NCAPG2: variants seen among roughly 807,000 people sequenced by gnomAD.
NCAPG2 encodes condensin-2 complex subunit G2.
Under a neutral mutation model 141.1 loss-of-function variants are expected in NCAPG2, and 53 were observed. That is an observed-to-expected ratio of 0.38 (90% CI 0.30 to 0.47). The LOEUF is 0.47. Ranked by LOEUF, NCAPG2 falls within the 20% of genes least tolerant of loss-of-function variation. The pLI is 0.99. For synonymous variants in NCAPG2, 499 were observed against 490.7 expected, an observed-to-expected ratio of 1.02 and a Z score of -0.22; for missense variants, 1,087 against 1,389.0, an observed-to-expected ratio of 0.78 and a Z score of 3.46.
rs115235833 is a variant in NCAPG2, at chr7:158,632,353, C to T, written c.3381-636G>A. Among the ~76,000 whole-genome samples the T allele has an allele frequency of 7.3e-3, 1,114 of 152,288 alleles. 13 individuals are homozygous for T. Among genetic ancestry groups the T allele is most frequent in the African/African-American group, 0.021 (862 of 41,554 alleles). On this transcript the variant is annotated intron_variant, in intron 27 of 27. Coordinates refer to ENST00000356309, the MANE Select transcript of NCAPG2 (RefSeq NM_017760.7). ...TTAAGAATCATTATTAGACAGGTAG[C>T]ATATCACTGTTCCTTCAAATACACA...
intron 13 of NCAPG2, among the ~76,000 whole-genome samples, chr7:158,671,015 T>C (rs1046731463): frequency 4.0e-4 from 60 of 150,128 alleles, no homozygotes; most frequent in African/African-American, 1.4e-3. Context: ...ATCACTTCAG[T>C]AGTTTATAAA....
At chr7:158,654,865 G>A in intron 21 of NCAPG2, 171 bp from the exon 22 acceptor site, 1 of 1,270,146 alleles carries the variant, frequency 7.9e-7, no homozygotes, top group Non-Finnish European at 1.0e-6. Context: ...GTTTTTGTAA[G>A]AAATCTAGAG....
intron 27 of NCAPG2, 48 bp downstream of exon 27, chr7:158,644,241 G>T: frequency 6.8e-7 from 1 of 1,463,352 alleles, no homozygotes; most frequent in Non-Finnish European, 9.6e-7. Flanking sequence ...ATCCAAAGAA[G>T]AATGAGCAGT....
chr7:158,637,986 A>T (rs899170111), intron 27 of NCAPG2, among the ~76,000 whole-genome samples: 1 of 152,132 alleles, frequency 6.6e-6, no homozygotes, highest in African/African-American at 2.4e-5. Context: ...TCTACTAAAA[A>T]TACAAAAATT....
intron 7 of NCAPG2, among the ~76,000 whole-genome samples, 163 bp from the exon 8 acceptor site, chr7:158,686,404 T>A (rs898197661): frequency 1.3e-5 from 2 of 152,212 alleles, no homozygotes; most frequent in African/African-American, 4.8e-5. Context: ...TAGCAAAAAG[T>A]AGAAAACGGA....
intron 19 of NCAPG2, among the ~76,000 whole-genome samples, chr7:158,655,687 C>A (rs908481847): frequency 6.6e-6 from 1 of 152,294 alleles, no homozygotes; most frequent in Non-Finnish European, 1.5e-5. Context: ...TTGCCCTGCA[C>A]GCAGCACCAC....
In NCAPG2 at chr7:158,680,075, G is replaced by C; in HGVS notation, c.1031C>G (p.Ser344Cys). 1.2e-6 allele frequency: 2 copies of C among 1,613,870 alleles called. No homozygotes were observed. Among genetic ancestry groups the C allele is most frequent in the Non-Finnish European group, 1.7e-6 (2 of 1,179,846 alleles). The change falls in exon 11 of 28, where the codon TCT (serine) becomes TGT (cysteine). Residue 344 changes from serine to cysteine, a missense_variant. Physicochemically the swap from Ser to Cys is moderately radical, Grantham distance 112 (BLOSUM62 -1). Coordinates refer to ENST00000356309, the MANE Select transcript of NCAPG2 (RefSeq NM_017760.7). The stretch of plus-strand genomic sequence containing the variant: ...CAATGCAGCATTTGATCGAACTTCA[G>C]AGTTTCTGGCCTATAATAATAAAAG... ...ILWRGLKARN[S>C]EVRSNAALLF...
intron 4 of NCAPG2, among the ~76,000 whole-genome samples, chr7:158,691,384 T>G (rs901288901): frequency 5.9e-5 from 9 of 152,338 alleles, no homozygotes; most frequent in African/African-American, 1.9e-4. Flanking sequence ...AATAAACTGA[T>G]AGTAAAATTC....
At chr7:158,670,163 A>G (rs1833591639) in intron 13 of NCAPG2, among the ~76,000 whole-genome samples, 2 of 152,240 alleles carry the variant, frequency 1.3e-5, no homozygotes, top group African/African-American at 4.8e-5. Flanking sequence ...ATTGGGTGTT[A>G]ATACTACATT....
At chr7:158,687,939 T>G (rs1170788679) in intron 6 of NCAPG2, among the ~76,000 whole-genome samples, 1 of 152,196 alleles carries the variant, frequency 6.6e-6, no homozygotes, top group Non-Finnish European at 1.5e-5. Flanking sequence ...CTTCAAGTCA[T>G]AAATACATCA....
chr7:158,692,247 CA>C (rs1835162638), intron 4 of NCAPG2, among the ~76,000 whole-genome samples: 1 of 152,136 alleles, frequency 6.6e-6, no homozygotes, highest in South Asian at 2.1e-4. Context: ...GTCAGGGCTA[CA>C]GTGAGCTGGG....
At chr7:158,660,397 C>CTTTTTTT (rs1563525366) in intron 16 of NCAPG2, among the ~76,000 whole-genome samples, 1 of 111,272 alleles carries the variant, frequency 9.0e-6, no homozygotes, top group African/African-American at 4.2e-5. Context: ...ATTATTTCAG[C>CTTTTTTT]TTTCTTTTTT....
At chr7:158,671,797 T>C in intron 12 of NCAPG2, 131 bp from the exon 13 acceptor site, 1 of 990,014 alleles carries the variant, frequency 1.0e-6, no homozygotes, top group Non-Finnish European at 1.5e-6. Context: ...AATATACCTA[T>C]GGAAAATACC....
chr7:158,639,896 T>C, intron 27 of NCAPG2: 1 of 957,256 alleles, frequency 1.0e-6, no homozygotes, highest in Non-Finnish European at 1.2e-6. Flanking sequence ...GCTGTTTTGA[T>C]AGAATGAAAT....
At chr7:158,690,437 T>G in intron 5 of NCAPG2, 131 bp downstream of exon 5, 4 of 819,606 alleles carry the variant, frequency 4.9e-6, no homozygotes, top group East Asian at 2.7e-5. Context: ...CTCAGCTACT[T>G]GAGAGGCTGA....
chr7:158,695,418 A>C (rs1835384820), intron 2 of NCAPG2, among the ~76,000 whole-genome samples: 1 of 152,234 alleles, frequency 6.6e-6, no homozygotes, highest in South Asian at 2.1e-4. Flanking sequence ...CCATCCACCT[A>C]TGTGACAAAC....
intron 2 of NCAPG2, among the ~76,000 whole-genome samples, chr7:158,693,726 C>A (rs1250447020): frequency 6.6e-6 from 1 of 152,184 alleles, no homozygotes; most frequent in African/African-American, 2.4e-5. Context: ...CTTAGCAAAA[C>A]CCTCCCTAAA....
chr7:158,692,513 G>T (rs539052282), intron 4 of NCAPG2, among the ~76,000 whole-genome samples: 6 of 152,122 alleles, frequency 3.9e-5, no homozygotes, highest in Admixed American at 2.6e-4. Context: ...AGGCTGAGAC[G>T]GGTGGATCAC....
intron 15 of NCAPG2, 55 bp from the exon 16 acceptor site, chr7:158,662,422 G>A (rs970847363): frequency 7.0e-7 from 1 of 1,431,312 alleles, no homozygotes; most frequent in African/African-American, 1.5e-5. Context: ...ACTACTAAAA[G>A]GTAACAGCAT....
Sources: gnomAD v4.1 joint callset for allele counts (sites outside exome capture counted in the v4.1 genomes callset) on GRCh38, gnomAD v4.1.1 for gene constraint, MANE v1.5 for transcripts, NCBI Gene and HGNC (gene_info 2026-07-23, HGNC 2026-07-21) for gene names.